ME3: variants seen among roughly 807,000 people sequenced by gnomAD.
ME3 encodes the protein NADP-dependent malic enzyme, mitochondrial.
In ME3, 48 loss-of-function variants were observed where a neutral mutation model predicts 68.9. That is an observed-to-expected ratio of 0.70 (90% CI 0.55 to 0.89). ME3 has a LOEUF of 0.89. Among genes scored for constraint, ME3 ranks in the 40% least tolerant of loss-of-function variants. The pLI is 0.00. For synonymous variants in ME3, 320 were observed against 318.8 expected, an observed-to-expected ratio of 1.00 and a Z score of -0.04; for missense variants, 675 against 797.4, an observed-to-expected ratio of 0.85 and a Z score of 1.85.
At chr11:86,628,516 G>A (rs895865612) in intron 2 of ME3, among the ~76,000 whole-genome samples, 1 of 152,202 alleles carries the variant, frequency 6.6e-6, no homozygotes, top group Admixed American at 6.5e-5. Flanking sequence ...AGGTGAGACA[G>A]TCATTAGTAT....
chr11:86,537,983 C>A (rs1955798671), intron 4 of ME3, among the ~76,000 whole-genome samples: 2 of 152,208 alleles, frequency 1.3e-5, no homozygotes, highest in Admixed American at 1.3e-4. Context: ...GGCTTTCTTG[C>A]TGAGGCTCTT....
At chr11:86,563,429 T>G (rs1005411519) in intron 2 of ME3, among the ~76,000 whole-genome samples, 1 of 152,130 alleles carries the variant, frequency 6.6e-6, no homozygotes, top group Non-Finnish European at 1.5e-5. Flanking sequence ...ATCAGTGATG[T>G]TGAGCATTTT....
At chr11:86,495,769 A>G (rs772205071) in intron 6 of ME3, among the ~76,000 whole-genome samples, 18 of 152,286 alleles carry the variant, frequency 1.2e-4, no homozygotes, top group South Asian at 4.2e-4. Flanking sequence ...GAGGAGACAC[A>G]TGGAGACCAG....
In ME3 at chr11:86,444,605, G is replaced by A. The variant is rs192233084; in HGVS notation, c.1555-1686C>T. 4.6e-5 allele frequency among the ~76,000 whole-genome samples: 7 copies of A among 152,320 alleles called. No individual in the cohort carries two copies. The East Asian group carries it at 1.4e-3, about 29-fold the overall frequency. On this transcript the variant is annotated intron_variant, in intron 13 of 14. Coordinates refer to ENST00000543262, the Ensembl canonical transcript of ME3. ...GATCACATCTAAGACGGTAGGCACT[G>A]GCAATGCTCTTCAGCAGGGAGTCAA...
intron 4 of ME3, among the ~76,000 whole-genome samples, chr11:86,527,042 A>C (rs1420947264): frequency 6.6e-6 from 1 of 152,260 alleles, no homozygotes; most frequent in African/African-American, 2.4e-5. Flanking sequence ...TGAGAGAAGA[A>C]GGCTTCAGAT....
rs200677858 is a variant in ME3, at chr11:86,582,963, A to G, written c.184-23140T>C. 1.6e-4 allele frequency among the ~76,000 whole-genome samples: 24 copies of G among 152,092 alleles called. 1 individual carries two copies. In the East Asian group the frequency reaches 4.1e-3, roughly 26 times the overall value. On this transcript the variant is annotated intron_variant, in intron 2 of 14. Coordinates refer to ENST00000543262, the Ensembl canonical transcript of ME3. Reference sequence around the variant, plus strand: ...GCTTCAAGTTAAGTATCTGGGCGTTAGTGGCAGTTAAAACTTGGTGAGAAA... The same window carrying G: ...GCTTCAAGTTAAGTATCTGGGCGTTGGTGGCAGTTAAAACTTGGTGAGAAA...
intron 11 of ME3, 42 bp downstream of exon 11, chr11:86,448,108 G>A: frequency 7.1e-7 from 1 of 1,409,630 alleles, no homozygotes; most frequent in Non-Finnish European, 1.0e-6. Context: ...CAAGTCAAGA[G>A]GGTTAGCTGG....
intron 8 of ME3, among the ~76,000 whole-genome samples, chr11:86,464,430 A>T (rs1304793878): frequency 6.6e-6 from 1 of 152,204 alleles, no homozygotes; most frequent in African/African-American, 2.4e-5. Flanking sequence ...CACAGAATAG[A>T]TGACCAAAGG....
intron 4 of ME3, among the ~76,000 whole-genome samples, chr11:86,548,930 C>T (rs929999033): frequency 6.6e-6 from 1 of 152,248 alleles, no homozygotes; most frequent in Non-Finnish European, 1.5e-5. Flanking sequence ...AGCTGCCTTT[C>T]ACCATCCTTT....
chr11:86,483,942 T>C (rs1434708217), intron 7 of ME3, among the ~76,000 whole-genome samples: 1 of 152,210 alleles, frequency 6.6e-6, no homozygotes, highest in African/African-American at 2.4e-5. Context: ...CCGGGTACAA[T>C]GCACCCATCC....
exon 4 of ME3, chr11:86,556,612 C>T: frequency 1.2e-6 from 2 of 1,614,128 alleles, no homozygotes; most frequent in Non-Finnish European, 1.7e-6. Flanking sequence ...TAGGCGTGTA[C>T]ACGATTGGCA....
chr11:86,528,807 A>G (rs1055704920), intron 4 of ME3, among the ~76,000 whole-genome samples: 8 of 152,156 alleles, frequency 5.3e-5, no homozygotes, highest in African/African-American at 1.7e-4. Context: ...TTTGAAACCA[A>G]CGAGAACAAA....
chr11:86,617,060 T>TTTTG lies in ME3; in HGVS notation c.183+54701_183+54702insCAAA, dbSNP rs1943022535. On this transcript the variant is annotated intron_variant, in intron 2 of 14. Transcript: ENST00000543262. ...CAAGATAGTAGTTTTTTTTTTTTTT[T>TTTTG]TTTTTTTTTTTTTTTTTTAAAGATG... Among the ~76,000 whole-genome samples, 6 of 138,390 alleles carry TTTTG rather than the reference T, an allele frequency of 4.3e-5. No homozygotes were observed. The South Asian group carries it at 1.5e-3, about 35-fold the overall frequency. 90.8% of individuals were successfully genotyped at this position (138,390 alleles called of 152,430 possible).
chr11:86,473,726 G>A (rs1258114691), intron 7 of ME3, among the ~76,000 whole-genome samples: 1 of 152,102 alleles, frequency 6.6e-6, no homozygotes, highest in South Asian at 2.1e-4. Flanking sequence ...TCAGCAGAGG[G>A]GGTCATGTTT....
In ME3 at chr11:86,482,639, G is replaced by A. The variant is rs186445138; in HGVS notation, c.809+4698C>T. Among the ~76,000 whole-genome samples the A allele has an allele frequency of 2.2e-3, 326 of 151,156 alleles. 1 individual carries two copies. Among genetic ancestry groups the A allele is most frequent in the South Asian group, 8.6e-3 (41 of 4,744 alleles). On this transcript the variant is annotated intron_variant, in intron 7 of 14. Coordinates refer to ENST00000543262, the Ensembl canonical transcript of ME3. ...AGTATAATGTGGTGGAAGTTAGACT[G>A]TTCCAGTTCCAGGTCTCATCCTTAA... is the stretch of plus-strand genomic sequence containing the variant.
chr11:86,511,089 C>T (rs201813989), intron 4 of ME3, among the ~76,000 whole-genome samples: 3 of 152,204 alleles, frequency 2.0e-5, no homozygotes, highest in Non-Finnish European at 1.5e-5. Flanking sequence ...TCAAACACTT[C>T]TTTCATCAGT....
chr11:86,498,036 A>G, exon 6 of ME3: 1 of 1,613,758 alleles, frequency 6.2e-7, no homozygotes. Flanking sequence ...TGCCGTGTAC[A>G]GGGCCAGCTT....
intron 2 of ME3, among the ~76,000 whole-genome samples, chr11:86,592,458 C>G (rs1352015643): frequency 6.6e-6 from 1 of 152,182 alleles, no homozygotes; most frequent in Non-Finnish European, 1.5e-5. Flanking sequence ...AAGCAAATGT[C>G]AAGGAGCACT....
intron 8 of ME3, among the ~76,000 whole-genome samples, chr11:86,456,921 CT>C: frequency 6.6e-6 from 1 of 152,120 alleles, no homozygotes; most frequent in East Asian, 1.9e-4. Context: ...ATTTTTTGCC[CT>C]TAAAAGTGGA....
Sources: gnomAD v4.1 joint callset for allele counts (sites outside exome capture counted in the v4.1 genomes callset) on GRCh38, gnomAD v4.1.1 for gene constraint, MANE v1.5 for transcripts, NCBI Gene and HGNC (gene_info 2026-07-23, HGNC 2026-07-21) for gene names.